Variants in NKAIN3 observed in about 807,000 individuals in gnomAD.
NKAIN3 encodes the protein sodium/potassium-transporting ATPase subunit beta-1-interacting protein 3.
In NKAIN3, 25 loss-of-function variants were observed where a neutral mutation model predicts 30.2. The ratio of observed to expected loss-of-function variants is 0.83; its 90% CI spans 0.60 to 1.16. NKAIN3 has a LOEUF of 1.16. Ranked by LOEUF, NKAIN3 falls within the 50% of genes most tolerant of loss-of-function variation. NKAIN3 has a pLI of 0.00. For synonymous variants in NKAIN3, 91 were observed against 89.6 expected (o/e 1.02, Z -0.09); for missense variants, 225 against 254.1 (o/e 0.89, Z 0.78).
chr8:62,811,397 T>G (rs979010153), intron 4 of NKAIN3, among the ~76,000 whole-genome samples: 3 of 152,090 alleles, frequency 2.0e-5, no homozygotes, highest in African/African-American at 7.2e-5. Flanking sequence ...AAAGTGTAAT[T>G]TCTGGATACT....
intron 1 of NKAIN3, among the ~76,000 whole-genome samples, chr8:62,313,235 C>T (rs1490109841): frequency 6.6e-6 from 1 of 151,876 alleles, no homozygotes; most frequent in African/African-American, 2.4e-5. Flanking sequence ...TTATGTAAAC[C>T]CTCTCACCCT....
chr8:62,871,808 A>G (rs1165407428), intron 4 of NKAIN3, among the ~76,000 whole-genome samples: 1 of 152,242 alleles, frequency 6.6e-6, no homozygotes, highest in Non-Finnish European at 1.5e-5. Flanking sequence ...AATGATGAGG[A>G]ATCAGTGATC....
At chr8:62,417,034 C>T (rs927459797) in intron 1 of NKAIN3, among the ~76,000 whole-genome samples, 10 of 151,098 alleles carry the variant, frequency 6.6e-5, no homozygotes, top group Middle Eastern at 7.0e-3. Context: ...CTATAGTCAC[C>T]CTGTTGTACC....
At chr8:62,546,911 A>G (rs571224944) in intron 1 of NKAIN3, among the ~76,000 whole-genome samples, 2 of 152,302 alleles carry the variant, frequency 1.3e-5, no homozygotes, top group South Asian at 4.1e-4. Flanking sequence ...AAGGTAGCAT[A>G]TGGTTTTATG....
intron 1 of NKAIN3, among the ~76,000 whole-genome samples, chr8:62,258,325 C>G (rs1319673702): frequency 6.6e-6 from 1 of 152,126 alleles, no homozygotes; most frequent in African/African-American, 2.4e-5. Flanking sequence ...TTGTTTTCAT[C>G]AGGTGAAGAT....
chr8:62,914,563 A>G (rs1043742262), intron 4 of NKAIN3, among the ~76,000 whole-genome samples: 2 of 152,200 alleles, frequency 1.3e-5, no homozygotes, highest in Middle Eastern at 3.2e-3. Flanking sequence ...GTAGGATAAA[A>G]CATGGACTAG....
chr8:62,786,016 G>C (rs550155298), intron 4 of NKAIN3, among the ~76,000 whole-genome samples: 1 of 152,038 alleles, frequency 6.6e-6, no homozygotes, highest in Non-Finnish European at 1.5e-5. Flanking sequence ...AGCAAATCAT[G>C]CTTTCAGGCA....
At chr8:62,795,201 C>G (rs2130680710) in intron 4 of NKAIN3, among the ~76,000 whole-genome samples, 1 of 152,284 alleles carries the variant, frequency 6.6e-6, no homozygotes, top group South Asian at 2.1e-4. Context: ...TTTTTCTTAT[C>G]TGCTGCTAAA....
chr8:62,323,978 C>T (rs142113304), intron 1 of NKAIN3, among the ~76,000 whole-genome samples: 3 of 151,902 alleles, frequency 2.0e-5, no homozygotes, highest in Admixed American at 2.0e-4. Context: ...GAGGGAAGGA[C>T]GAATAGCTGA....
In NKAIN3 at chr8:62,967,520, G is replaced by A. The variant is rs1371200994; in HGVS notation, c.*2113G>A. 2.0e-5 allele frequency among the ~76,000 whole-genome samples: 3 copies of A among 152,016 alleles called. No homozygotes were observed. The highest frequency in any genetic ancestry group is 2.1e-4 in the South Asian group (1 of 4,826). On this transcript the variant is annotated 3_prime_UTR_variant, in exon 7 of 7. Transcript: ENST00000623646. Reference sequence around the variant, plus strand: ...TGGAGCTCTTGCTTTCCACTCAAGCGCTATGAAGAGCCCACAGAAACAACA... The same window carrying A: ...TGGAGCTCTTGCTTTCCACTCAAGCACTATGAAGAGCCCACAGAAACAACA...
At chr8:62,429,934 C>T (rs563989689) in intron 1 of NKAIN3, among the ~76,000 whole-genome samples, 10 of 151,862 alleles carry the variant, frequency 6.6e-5, no homozygotes, top group South Asian at 4.2e-4. Flanking sequence ...CACCACCATC[C>T]GTCTCCATAA....
rs763880499 is a variant in NKAIN3, at chr8:62,838,149, G to GTA, written c.472-80303_472-80302insAT. On this transcript the variant is annotated intron_variant, in intron 4 of 6. Transcript: ENST00000623646. ...CCGCTCTGTGTGTGTGTGTGTGTGTGTGTATATAAAATGAGCATATCATGA... is the reference window on the plus strand; with the variant it reads ...CCGCTCTGTGTGTGTGTGTGTGTGTGTATGTATATAAAATGAGCATATCATGA... 3.9e-3 allele frequency among the ~76,000 whole-genome samples: 588 copies of GTA among 149,814 alleles called. 1 individual carries two copies. Among genetic ancestry groups the GTA allele is most frequent in the Non-Finnish European group, 6.8e-3 (461 of 67,378 alleles).
intron 3 of NKAIN3, among the ~76,000 whole-genome samples, chr8:62,741,131 T>G (rs532197855): frequency 6.6e-6 from 1 of 152,260 alleles, no homozygotes; most frequent in South Asian, 2.1e-4. Context: ...TGTAAGGTTG[T>G]CTATTGCCCC....
chr8:62,867,427 T>G (rs1461516268), intron 4 of NKAIN3, among the ~76,000 whole-genome samples: 1 of 152,184 alleles, frequency 6.6e-6, no homozygotes, highest in Non-Finnish European at 1.5e-5. Flanking sequence ...TTCACTGTAA[T>G]TATTATTTTT....
At chr8:62,931,916 T>A (rs192972561) in intron 5 of NKAIN3, among the ~76,000 whole-genome samples, 1 of 152,326 alleles carries the variant, frequency 6.6e-6, no homozygotes, top group East Asian at 1.9e-4. Flanking sequence ...CTGTATTCTT[T>A]CCATATTTTA....
chr8:62,956,839 A>T (rs1376440395), intron 6 of NKAIN3, among the ~76,000 whole-genome samples: 2 of 152,220 alleles, frequency 1.3e-5, no homozygotes, highest in Admixed American at 6.5e-5. Flanking sequence ...CTACATAGAA[A>T]GGGTAGATGC....
At chr8:62,838,535 T>A (rs1819438754) in intron 4 of NKAIN3, among the ~76,000 whole-genome samples, 1 of 151,982 alleles carries the variant, frequency 6.6e-6, no homozygotes, top group Admixed American at 6.6e-5. Context: ...GATGTGTAAA[T>A]GTTATTCTGC....
At chr8:62,863,737 A>C in intron 4 of NKAIN3, 1 of 1,593,930 alleles carries the variant, frequency 6.3e-7, no homozygotes, top group Non-Finnish European at 8.6e-7. Flanking sequence ...TCATTGCAAC[A>C]AATCTTTTCC....
intron 4 of NKAIN3, among the ~76,000 whole-genome samples, chr8:62,820,241 A>G (rs1818809852): frequency 6.6e-6 from 1 of 152,164 alleles, no homozygotes; most frequent in Non-Finnish European, 1.5e-5. Flanking sequence ...GATATGGAGT[A>G]TGGAATAAAG....
Sources: gnomAD v4.1 joint callset for allele counts (sites outside exome capture counted in the v4.1 genomes callset) on GRCh38, gnomAD v4.1.1 for gene constraint, MANE v1.5 for transcripts, NCBI Gene and HGNC (gene_info 2026-07-23, HGNC 2026-07-21) for gene names.